Variants in PTK2 observed in about 807,000 individuals in gnomAD.
The protein encoded by PTK2 is protein tyrosine kinase 2, also known as focal adhesion kinase 1.
PTK2 carries 45 observed loss-of-function variants against 150.1 expected under a neutral mutation model. The ratio of observed to expected loss-of-function variants is 0.30; its 90% CI spans 0.24 to 0.38. PTK2 has a LOEUF of 0.38. PTK2 is among the 10% of genes least tolerant of loss of function. PTK2 has a pLI of 1.00. For missense variants in PTK2, 919 were observed against 1,307.3 expected (o/e 0.70, Z 4.58); for synonymous variants, 432 against 449.2 (o/e 0.96, Z 0.48).
chr8:140,801,840 G>A (rs946206447), intron 11 of PTK2, among the ~76,000 whole-genome samples: 3 of 152,012 alleles, frequency 2.0e-5, no homozygotes, highest in Non-Finnish European at 4.4e-5. Flanking sequence ...ATATACAATG[G>A]TGGTTCCATA....
intron 26 of PTK2, among the ~76,000 whole-genome samples, chr8:140,697,042 G>A (rs1429192915): frequency 6.6e-6 from 1 of 150,540 alleles, no homozygotes; most frequent in Non-Finnish European, 1.5e-5. Context: ...GCTGAGGTGG[G>A]AGGACAGATT....
At chr8:140,995,540 G>A (rs1490999775) in intron 1 of PTK2, among the ~76,000 whole-genome samples, 1 of 152,076 alleles carries the variant, frequency 6.6e-6, no homozygotes, top group Non-Finnish European at 1.5e-5. Context: ...GCACAGTGGT[G>A]ATGCCTGTAA....
chr8:140,953,979 T>C (rs1345078499), intron 1 of PTK2, among the ~76,000 whole-genome samples: 1 of 151,946 alleles, frequency 6.6e-6, no homozygotes, highest in Non-Finnish European at 1.5e-5. Flanking sequence ...AATTTTTTTT[T>C]TTTTTTGAAA....
At chr8:140,922,945 T>C (rs1603217090) in intron 2 of PTK2, among the ~76,000 whole-genome samples, 2 of 151,890 alleles carry the variant, frequency 1.3e-5, no homozygotes, top group East Asian at 1.9e-4. Flanking sequence ...AAGCACAGGG[T>C]GGTGGTGACT....
chr8:140,846,109 C>T (rs2100125269), intron 7 of PTK2, 151 bp downstream of exon 7: 1 of 585,536 alleles, frequency 1.7e-6, no homozygotes, highest in African/African-American at 1.9e-5. Context: ...TTTATTAACA[C>T]AATTAATGTC....
rs182668041 is a variant in PTK2, at chr8:140,776,859, C to G, written c.1178-12569G>C. ...CCCAAGGGTGTGACTGTGGCTGACACAAAGTGTCAGAAGAACTGAGTCCTG... is the reference window on the plus strand; with the variant it reads ...CCCAAGGGTGTGACTGTGGCTGACAGAAAGTGTCAGAAGAACTGAGTCCTG... On this transcript the variant is annotated intron_variant, in intron 14 of 31. Coordinates refer to ENST00000522684, the Ensembl canonical transcript of PTK2. Among the ~76,000 whole-genome samples the G allele has an allele frequency of 2.2e-4, 33 of 152,236 alleles. 1 individual carries two copies. The East Asian group carries it at 6.4e-3, about 29-fold the overall frequency.
intron 23 of PTK2, among the ~76,000 whole-genome samples, 165 bp from the exon 27 acceptor site, chr8:140,706,370 G>A (rs1564773672): frequency 6.6e-6 from 1 of 152,192 alleles, no homozygotes. Flanking sequence ...AACAAATGAT[G>A]CTGTGGCAAC....
At chr8:140,860,665 G>A (rs991488764) in intron 5 of PTK2, among the ~76,000 whole-genome samples, 4 of 152,324 alleles carry the variant, frequency 2.6e-5, no homozygotes, top group Admixed American at 2.6e-4. Flanking sequence ...TAGAGACGGA[G>A]TTTTGCCATG....
intron 27 of PTK2, among the ~76,000 whole-genome samples, chr8:140,684,174 C>G (rs1338754820): frequency 2.0e-5 from 3 of 152,166 alleles, no homozygotes; most frequent in African/African-American, 7.2e-5. Flanking sequence ...ATTTTGGCAC[C>G]AGGGACAGGT....
chr8:140,996,901 A>C (rs1209386880), intron 1 of PTK2, among the ~76,000 whole-genome samples: 2 of 152,208 alleles, frequency 1.3e-5, no homozygotes, highest in Non-Finnish European at 2.9e-5. Context: ...TTTAAGTCTT[A>C]AATATATTTC....
chr8:140,719,319 C>A (rs1350448305), intron 22 of PTK2, among the ~76,000 whole-genome samples: 3 of 152,222 alleles, frequency 2.0e-5, no homozygotes, highest in Non-Finnish European at 4.4e-5. Context: ...AAACTCTTCA[C>A]AGTATTTAAG....
At chr8:140,770,305 AG>A (rs1215317784) in intron 14 of PTK2, among the ~76,000 whole-genome samples, 7 of 152,330 alleles carry the variant, frequency 4.6e-5, no homozygotes, top group African/African-American at 4.8e-5. Flanking sequence ...CTGTCCCCAA[AG>A]CATGAAAAGC....
chr8:140,687,290 T>C (rs1288642402), intron 26 of PTK2, among the ~76,000 whole-genome samples: 3 of 152,256 alleles, frequency 2.0e-5, no homozygotes, highest in African/African-American at 2.4e-5. Flanking sequence ...GCTCCCGCAG[T>C]ATGGGTTACG....
chr8:140,796,838 T>G (rs2100091901), intron 12 of PTK2, among the ~76,000 whole-genome samples: 1 of 152,162 alleles, frequency 6.6e-6, no homozygotes, highest in Admixed American at 6.6e-5. Context: ...CTTACCAGAC[T>G]TTTTAATGCT....
intron 16 of PTK2, among the ~76,000 whole-genome samples, chr8:140,759,544 A>G (rs1156233124): frequency 6.7e-6 from 1 of 150,328 alleles, no homozygotes; most frequent in Non-Finnish European, 1.5e-5. Context: ...AAAAAAAAAA[A>G]AAAAAAAAAA....
chr8:140,741,166 A>C (rs2100055426), intron 20 of PTK2, among the ~76,000 whole-genome samples: 1 of 151,562 alleles, frequency 6.6e-6, no homozygotes, highest in African/African-American at 2.4e-5. Flanking sequence ...AATTTAAAAA[A>C]TTAGGCCAGG....
intron 23 of PTK2, among the ~76,000 whole-genome samples, chr8:140,713,663 A>G (rs541858626): frequency 2.0e-5 from 3 of 152,298 alleles, no homozygotes; most frequent in Admixed American, 6.5e-5. Flanking sequence ...TATTGATCCA[A>G]TGGGAATCTG....
At chr8:140,857,484 T>G (rs2100133399) in intron 5 of PTK2, among the ~76,000 whole-genome samples, 1 of 152,154 alleles carries the variant, frequency 6.6e-6, no homozygotes, top group African/African-American at 2.4e-5. Flanking sequence ...CCAACAGTAT[T>G]GCTAAAGGGA....
intron 10 of PTK2, among the ~76,000 whole-genome samples, chr8:140,808,589 T>G (rs372602479): frequency 1.3e-5 from 2 of 152,220 alleles, no homozygotes; most frequent in South Asian, 2.1e-4. Flanking sequence ...TACCTGCTCA[T>G]AAGCCAATAT....
Sources: allele counts gnomAD v4.1 joint callset (sites outside exome capture counted in the v4.1 genomes callset), GRCh38; gene constraint gnomAD v4.1.1; transcripts MANE v1.5; gene names NCBI Gene and HGNC (gene_info 2026-07-23, HGNC 2026-07-21).